PADI3: variants seen among roughly 807,000 people sequenced by gnomAD.
PADI3 encodes the protein peptidyl arginine deiminase 3.
Under a neutral mutation model 71.5 loss-of-function variants are expected in PADI3, and 53 were observed. The observed-to-expected ratio is 0.74, with a 90% CI of 0.59 to 0.93. The LOEUF (loss-of-function observed/expected upper bound fraction) is 0.93, where lower values mean the gene tolerates loss of function less well. Ranked by LOEUF, PADI3 falls within the 40% of genes least tolerant of loss-of-function variation. PADI3 has a pLI of 0.00. For synonymous variants in PADI3, 361 were observed against 347.5 expected (o/e 1.04, Z -0.43); for missense variants, 821 against 868.0 (o/e 0.95, Z 0.68).
intron 13 of PADI3, among the ~76,000 whole-genome samples, chr1:17,280,055 G>A (rs745715084): frequency 2.0e-5 from 3 of 152,194 alleles, no homozygotes; most frequent in Non-Finnish European, 4.4e-5. Flanking sequence ...AGTGCCCTCG[G>A]GCAGTTGTAC....
At chr1:17,266,632 T>C in intron 4 of PADI3, 87 bp from the exon 5 acceptor site, 1 of 1,036,070 alleles carries the variant, frequency 9.7e-7, no homozygotes, top group South Asian at 1.3e-5. Flanking sequence ...CAGGGTTGGG[T>C]GGTTACAGGC....
At chr1:17,282,690 T>G (rs2073415722) in intron 15 of PADI3, among the ~76,000 whole-genome samples, 156 bp from the exon 16 acceptor site, 1 of 152,188 alleles carries the variant, frequency 6.6e-6, no homozygotes, top group Admixed American at 6.5e-5. Context: ...AACCGGTTCT[T>G]CCCAGCCCCT....
chr1:17,270,485 C>CAAA (rs66624969), intron 7 of PADI3, 74 bp downstream of exon 7: 241 of 1,019,880 alleles, frequency 2.4e-4, no homozygotes, highest in South Asian at 5.3e-4. Flanking sequence ...CCCATCTCTA[C>CAAA]AAAAAAAAAA....
In PADI3 at chr1:17,252,122, T is replaced by A. The variant is rs916465930; in HGVS notation, c.92+2893T>A. Among the ~76,000 whole-genome samples the A allele has an allele frequency of 9.2e-5, 14 of 151,966 alleles. 1 individual carries two copies. Among genetic ancestry groups the A allele is most frequent in the Non-Finnish European group, 1.6e-4 (11 of 67,990 alleles). ...CTTTCTTGAGCAGTGAGTCTTAGGATGGGGAAAGGGAAGGAAGGGTACCCT... is the reference window on the plus strand; with the variant it reads ...CTTTCTTGAGCAGTGAGTCTTAGGAAGGGGAAAGGGAAGGAAGGGTACCCT... On this transcript the variant is annotated intron_variant, in intron 1 of 15. Transcript: ENST00000375460.
chr1:17,280,251 T>G, intron 13 of PADI3, 99 bp from the exon 14 acceptor site: 1 of 902,824 alleles, frequency 1.1e-6, no homozygotes, highest in Non-Finnish European at 1.8e-6. Flanking sequence ...GGCAAGACCA[T>G]TAGCTGTGAA....
intron 9 of PADI3, among the ~76,000 whole-genome samples, chr1:17,271,611 T>A (rs1404401046): frequency 6.6e-6 from 1 of 151,912 alleles, no homozygotes; most frequent in Non-Finnish European, 1.5e-5. Flanking sequence ...ATGTGCAGAA[T>A]GATTGCTACA....
At position 17,276,814 on chromosome 1, in the gene PADI3, A is replaced by G. The variant is rs973393340; in HGVS notation, c.1493A>G (p.Lys498Arg). The G allele has an allele frequency of 6.2e-7, 1 of 1,613,640 alleles. No homozygotes were observed. The change falls in exon 13 of 16, where the codon AAG (lysine) becomes AGG (arginine). Residue 498 changes from lysine (K) to arginine (R), a missense_variant. By Grantham distance (26) the Lys-to-Arg change is conservative. Transcript: ENST00000375460. ...MLLASPGACFKLFQEKQKCGH... is the reference protein window; with the variant it reads ...MLLASPGACFRLFQEKQKCGH... ...CTGGCCAGCCCTGGGGCCTGCTTCAAGCTCTTCCAGGAAAAGCAGAAGTGT... is the reference window on the plus strand; with the variant it reads ...CTGGCCAGCCCTGGGGCCTGCTTCAGGCTCTTCCAGGAAAAGCAGAAGTGT...
intron 5 of PADI3, 52 bp downstream of exon 5, chr1:17,266,888 A>C (rs1447421989): frequency 7.2e-7 from 1 of 1,381,078 alleles, no homozygotes; most frequent in Non-Finnish European, 1.0e-6. Context: ...CTGCTCAGTT[A>C]CCCCATGGGA....
At chr1:17,259,831 TTC>T in intron 2 of PADI3, 73 bp downstream of exon 2, 2 of 1,334,964 alleles carry the variant, frequency 1.5e-6, no homozygotes, top group Non-Finnish European at 2.1e-6. Context: ...GGGCCCAACA[TTC>T]TCTTTCTCCA....
intron 1 of PADI3, among the ~76,000 whole-genome samples, chr1:17,258,907 T>G (rs1262884782): frequency 6.6e-6 from 1 of 152,226 alleles, no homozygotes; most frequent in African/African-American, 2.4e-5. Flanking sequence ...CACCAATGGC[T>G]GGTGTTCACT....
chr1:17,275,872 T>C (rs1263833840), intron 11 of PADI3, among the ~76,000 whole-genome samples: 5 of 152,192 alleles, frequency 3.3e-5, no homozygotes, highest in Non-Finnish European at 7.4e-5. Context: ...TACATTTTCG[T>C]AAAAATTGAA....
intron 1 of PADI3, among the ~76,000 whole-genome samples, chr1:17,257,473 T>A (rs2073042515): frequency 6.6e-6 from 1 of 152,254 alleles, no homozygotes; most frequent in South Asian, 2.1e-4. Context: ...TGATTGACTG[T>A]TCACTTGAAA....
At chr1:17,275,309 C>T (rs113159824) in intron 11 of PADI3, among the ~76,000 whole-genome samples, 6,417 of 150,940 alleles carry the variant, frequency 0.043, 151 homozygotes, top group East Asian at 0.061. Flanking sequence ...TGGTGGCAGG[C>T]GCCTGTAGTC....
At chr1:17,264,323 AG>A (rs1359620598) in intron 3 of PADI3, among the ~76,000 whole-genome samples, 2 of 133,192 alleles carry the variant, frequency 1.5e-5, no homozygotes, top group Non-Finnish European at 3.2e-5. Flanking sequence ...ATGTGCATAA[AG>A]CATATGTACA....
At chr1:17,272,440 A>G (rs1278984761) in intron 9 of PADI3, among the ~76,000 whole-genome samples, 1 of 152,184 alleles carries the variant, frequency 6.6e-6, no homozygotes, top group Non-Finnish European at 1.5e-5. Context: ...GCCACCAACT[A>G]ACTAGCTGTG....
intron 1 of PADI3, among the ~76,000 whole-genome samples, chr1:17,256,180 T>C (rs996652857): frequency 1.3e-5 from 2 of 152,134 alleles, no homozygotes; most frequent in Admixed American, 1.3e-4. Context: ...TGCACCCTCA[T>C]TTACTTTAAT....
chr1:17,274,358 C>T (rs895485014), intron 10 of PADI3, among the ~76,000 whole-genome samples: 4 of 152,236 alleles, frequency 2.6e-5, no homozygotes, highest in Admixed American at 1.3e-4. Context: ...GCTCCATGTC[C>T]GATGGGGAGT....
At position 17,259,651 on chromosome 1, in the gene PADI3, A is replaced by G. The variant is rs755819974; in HGVS notation, c.166A>G (p.Met56Val). 1.9e-6 allele frequency: 3 copies of G among 1,613,608 alleles called. No individual in the cohort carries two copies. The highest frequency in any genetic ancestry group is 2.5e-6 in the Non-Finnish European group (3 of 1,179,618). Residue 56 changes from methionine (M) to valine (V), a missense_variant, in exon 2 of 16, where the codon ATG becomes GTG. By Grantham distance (21) the Met-to-Val change is conservative. Transcript: ENST00000375460. ...PGVDIYISPN[M>V]ERGRERADTR... is the part of the protein sequence containing the mutation. ...CGTGGACATCTACATCTCTCCCAACATGGAGAGGGGCCGGGAGCGTGCAGA... is the reference window on the plus strand; with the variant it reads ...CGTGGACATCTACATCTCTCCCAACGTGGAGAGGGGCCGGGAGCGTGCAGA...
intron 1 of PADI3, among the ~76,000 whole-genome samples, chr1:17,256,642 G>T (rs1003524358): frequency 7.9e-5 from 12 of 152,198 alleles, no homozygotes; most frequent in African/African-American, 2.9e-4. Context: ...GGACTGAGTG[G>T]GGTTTTCATA....
Sources: allele counts gnomAD v4.1 joint callset (sites outside exome capture counted in the v4.1 genomes callset), GRCh38; gene constraint gnomAD v4.1.1; transcripts MANE v1.5; gene names NCBI Gene and HGNC (gene_info 2026-07-23, HGNC 2026-07-21).